HYDIN: variants seen among roughly 807,000 people sequenced by gnomAD.
HYDIN encodes HYDIN axonemal central pair apparatus protein, also known as axonemal central pair apparatus protein HYDIN.
HYDIN carries 132 observed loss-of-function variants against 403.9 expected under a neutral mutation model. That is an observed-to-expected ratio of 0.33 (90% confidence interval 0.28 to 0.38). The LOEUF is 0.38. Ranked by LOEUF, HYDIN falls within the 10% of genes least tolerant of loss-of-function variation. The pLI is 1.00. For synonymous variants in HYDIN, 1,202 were observed against 1,891.7 expected, an observed-to-expected ratio of 0.64 and a Z score of 9.46; for missense variants, 2,827 against 5,009.5, an observed-to-expected ratio of 0.56 and a Z score of 13.15.
intron 78 of HYDIN, among the ~76,000 whole-genome samples, chr16:70,835,015 C>CAT (rs1157700083): frequency 1.3e-4 from 18 of 141,744 alleles, no homozygotes; most frequent in South Asian, 2.2e-4. Context: ...TATACACACA[C>CAT]ATATATATAT....
intron 22 of HYDIN, 135 bp downstream of exon 22, chr16:71,020,039 T>C: frequency 1.6e-6 from 1 of 627,162 alleles, no homozygotes; most frequent in South Asian, 2.6e-5. Flanking sequence ...TTTTCTGTAG[T>C]CTTCCCTGTT....
At chr16:70,844,964 T>A (rs2038097800) in intron 75 of HYDIN, among the ~76,000 whole-genome samples, 2 of 124,310 alleles carry the variant, frequency 1.6e-5, no homozygotes, top group Admixed American at 1.6e-4. Context: ...GTTTTCTAGA[T>A]ATACAATCAT....
intron 42 of HYDIN, among the ~76,000 whole-genome samples, chr16:70,942,955 T>C (rs369620490): frequency 0.02 from 3,038 of 152,178 alleles, 40 homozygotes; most frequent in Middle Eastern, 0.075. Context: ...TGATGTACCT[T>C]TAATGTAGTA....
intron 65 of HYDIN, among the ~76,000 whole-genome samples, chr16:70,870,454 T>C (rs1004710807): frequency 6.6e-6 from 1 of 151,580 alleles, no homozygotes; most frequent in African/African-American, 2.4e-5. Flanking sequence ...AGCCTAAGGA[T>C]GTAGAGCTCT....
intron 3 of HYDIN, among the ~76,000 whole-genome samples, chr16:71,182,785 C>T (rs968880084): frequency 7.9e-5 from 12 of 151,998 alleles, no homozygotes; most frequent in African/African-American, 2.9e-4. Flanking sequence ...TAGAAGAAGT[C>T]ACCTAAGTTG....
At chr16:70,864,864 G>A (rs9936587) in intron 67 of HYDIN, among the ~76,000 whole-genome samples, 10,548 of 152,126 alleles carry the variant, frequency 0.069, 1,317 homozygotes, top group African/African-American at 0.24. Flanking sequence ...TAGTGGGAAC[G>A]CAGCCACAGA....
At chr16:70,854,169 C>CA (rs2038862474) in intron 73 of HYDIN, among the ~76,000 whole-genome samples, 1 of 152,114 alleles carries the variant, frequency 6.6e-6, no homozygotes, top group African/African-American at 2.4e-5. Context: ...TGTAAGCCAC[C>CA]ACGCCCAGCA....
At chr16:71,047,446 G>C (rs2081488707) in intron 18 of HYDIN, among the ~76,000 whole-genome samples, 2 of 151,150 alleles carry the variant, frequency 1.3e-5, no homozygotes, top group African/African-American at 4.9e-5. Flanking sequence ...GGGGTTGGGG[G>C]TGGGGGTGAG....
At chr16:70,931,208 C>CTTTTTTTTTT (rs2077313550) in intron 45 of HYDIN, among the ~76,000 whole-genome samples, 2 of 78,240 alleles carry the variant, frequency 2.6e-5, no homozygotes, top group Non-Finnish European at 5.9e-5. Context: ...TCTCTTTCTT[C>CTTTTTTTTTT]TGTTTTTTTT....
intron 75 of HYDIN, among the ~76,000 whole-genome samples, chr16:70,846,993 T>A (rs2038256161): frequency 7.0e-6 from 1 of 142,624 alleles, no homozygotes; most frequent in Non-Finnish European, 1.5e-5. Flanking sequence ...TGACTCTTTA[T>A]CCAATTTGCC....
chr16:71,213,666 A>T (rs2088714201), intron 1 of HYDIN, among the ~76,000 whole-genome samples: 1 of 152,166 alleles, frequency 6.6e-6, no homozygotes, highest in Non-Finnish European at 1.5e-5. Flanking sequence ...GTAGTTCAAC[A>T]TTCAACAAAA....
chr16:70,817,645 T>C (rs2035925041), intron 84 of HYDIN, among the ~76,000 whole-genome samples: 1 of 152,268 alleles, frequency 6.6e-6, no homozygotes, highest in Non-Finnish European at 1.5e-5. Flanking sequence ...CAAAGTTTTC[T>C]TGTGCTCCTT....
In HYDIN at chr16:70,833,059, C is replaced by A; in HGVS notation, c.13688G>T (p.Trp4563Leu). ...ATGAGGCTCAAATTTTTTGATGTCCCATTTAAACCTTTTCCAAGAAAAAGA... is the reference window on the plus strand; with the variant it reads ...ATGAGGCTCAAATTTTTTGATGTCCAATTTAAACCTTTTCCAAGAAAAAGA... ...NTGDVGARFK[W>L]DIKKFEPHFS... Residue 4563 changes from tryptophan to leucine, a missense_variant, in exon 80 of 86, where the codon TGG becomes TTG. Physicochemically the swap from Trp to Leu is moderately conservative, Grantham distance 61. Coordinates refer to ENST00000393567, the MANE Select transcript of HYDIN (RefSeq NM_001270974.2). 6.2e-7 allele frequency: 1 copy of A among 1,610,542 alleles called. No homozygotes were observed. The highest frequency in any genetic ancestry group is 2.2e-5 in the East Asian group (1 of 44,832).
At chr16:70,888,651 CAA>C (rs1447861991) in intron 58 of HYDIN, among the ~76,000 whole-genome samples, 1 of 151,784 alleles carries the variant, frequency 6.6e-6, no homozygotes, top group African/African-American at 2.4e-5. Context: ...GGTATCTCCA[CAA>C]ACAGCACAGG....
At chr16:71,015,293 T>C (rs1397599749) in intron 23 of HYDIN, among the ~76,000 whole-genome samples, 2 of 151,868 alleles carry the variant, frequency 1.3e-5, no homozygotes, top group Admixed American at 6.6e-5. Flanking sequence ...AGAAAAACGG[T>C]TAAATAAATG....
At chr16:71,168,907 G>C (rs2086353013) in intron 5 of HYDIN, among the ~76,000 whole-genome samples, 1 of 152,132 alleles carries the variant, frequency 6.6e-6, no homozygotes, top group Non-Finnish European at 1.5e-5. Context: ...ACTGATGATG[G>C]GAATGTAAAT....
In HYDIN at chr16:71,069,304, C is replaced by T; in HGVS notation, c.1937G>A (p.Cys646Tyr). 6.2e-7 allele frequency: 1 copy of T among 1,613,710 alleles called. No homozygotes were observed. The highest frequency in any genetic ancestry group is 8.5e-7 in the Non-Finnish European group (1 of 1,179,960). The change falls in exon 14 of 86, where the codon TGT (cysteine) becomes TAT (tyrosine). Residue 646 changes from cysteine (C) to tyrosine (Y), a missense_variant. Cys to Tyr is a radical substitution (Grantham distance 194, BLOSUM62 -2). Transcript: ENST00000393567. ...KPKEFTISPD[C>Y]GTIRPQGFAA... ...AAATCCCTGGGGGCGAATGGTGCCA[C>T]AGTCAGGAGAGATGGTGAATTCTTT...
At chr16:71,015,645 G>C (rs202115797) in intron 23 of HYDIN, among the ~76,000 whole-genome samples, 2 of 151,666 alleles carry the variant, frequency 1.3e-5, no homozygotes, top group Non-Finnish European at 2.9e-5. Context: ...TCAGTGCTTC[G>C]CTAGGTCATC....
chr16:71,084,417 C>T (rs2144352770), intron 12 of HYDIN, among the ~76,000 whole-genome samples: 1 of 141,256 alleles, frequency 7.1e-6, no homozygotes, highest in South Asian at 2.3e-4. Context: ...GACAGAGTCT[C>T]ACTCTGTCAC....
Sources: gnomAD v4.1 joint callset for allele counts (sites outside exome capture counted in the v4.1 genomes callset) on GRCh38, gnomAD v4.1.1 for gene constraint, MANE v1.5 for transcripts, NCBI Gene and HGNC (gene_info 2026-07-23, HGNC 2026-07-21) for gene names.